Variants in CACNA2D3 observed in about 807,000 individuals in gnomAD.
The protein encoded by CACNA2D3 is voltage-dependent calcium channel subunit alpha-2/delta-3.
CACNA2D3 carries 60 observed loss-of-function variants against 160.6 expected under a neutral mutation model. That is an observed-to-expected ratio of 0.37 (90% CI 0.30 to 0.46). The LOEUF is 0.46. Ranked by LOEUF, CACNA2D3 falls within the 20% of genes least tolerant of loss-of-function variation. The pLI is 1.00. For missense variants in CACNA2D3, 1,205 were observed against 1,365.0 expected (o/e 0.88, Z 1.85); for synonymous variants, 558 against 492.9 (o/e 1.13, Z -1.75).
At chr3:54,397,536 C>G (rs1305554682) in intron 4 of CACNA2D3, among the ~76,000 whole-genome samples, 1 of 143,416 alleles carries the variant, frequency 7.0e-6, no homozygotes, top group Admixed American at 7.0e-5. Context: ...TCGTTGGTTT[C>G]AAAGAACATT....
chr3:54,147,528 T>A (rs56998303), intron 2 of CACNA2D3, among the ~76,000 whole-genome samples: 2,414 of 152,320 alleles, frequency 0.016, 58 homozygotes, highest in African/African-American at 0.056. Context: ...GTAGAAACAA[T>A]GACAGACTTT....
At chr3:54,262,714 G>A (rs1054101020) in intron 2 of CACNA2D3, among the ~76,000 whole-genome samples, 3 of 152,152 alleles carry the variant, frequency 2.0e-5, no homozygotes, top group Non-Finnish European at 4.4e-5. Flanking sequence ...AAGGCAGATG[G>A]TTCCTGGCCA....
chr3:54,924,433 C>G (rs1700950368), intron 27 of CACNA2D3, among the ~76,000 whole-genome samples: 1 of 152,110 alleles, frequency 6.6e-6, no homozygotes, highest in Non-Finnish European at 1.5e-5. Flanking sequence ...AATTTCGAAC[C>G]TGAATTTAAA....
At chr3:54,922,580 C>T (rs994347516) in intron 27 of CACNA2D3, among the ~76,000 whole-genome samples, 4 of 152,026 alleles carry the variant, frequency 2.6e-5, no homozygotes, top group East Asian at 3.9e-4. Context: ...TATTCAATAT[C>T]GTACGTTTTA....
chr3:54,344,301 C>A (rs1362366141), intron 3 of CACNA2D3, among the ~76,000 whole-genome samples: 1 of 152,110 alleles, frequency 6.6e-6, no homozygotes, highest in Non-Finnish European at 1.5e-5. Context: ...ATTATGAGTT[C>A]TTTGAAGGCA....
intron 2 of CACNA2D3, among the ~76,000 whole-genome samples, chr3:54,197,218 G>A (rs138747830): frequency 1.3e-3 from 194 of 152,198 alleles, no homozygotes; most frequent in African/African-American, 4.4e-3. Flanking sequence ...AGTTGTCGCT[G>A]TCTCCTTCCA....
intron 4 of CACNA2D3, among the ~76,000 whole-genome samples, chr3:54,407,144 G>A (rs926452310): frequency 1.3e-5 from 2 of 152,096 alleles, no homozygotes; most frequent in African/African-American, 4.8e-5. Context: ...TTCTTACCAA[G>A]CTCCAATCTG....
chr3:54,871,474 A>T, intron 17 of CACNA2D3, 65 bp from the exon 18 acceptor site: 2 of 1,256,236 alleles, frequency 1.6e-6, no homozygotes. Flanking sequence ...GAAGGTAAAG[A>T]TTGCCCTGGC....
intron 4 of CACNA2D3, among the ~76,000 whole-genome samples, chr3:54,491,770 G>T (rs1322873869): frequency 6.6e-6 from 1 of 152,196 alleles, no homozygotes; most frequent in Non-Finnish European, 1.5e-5. Flanking sequence ...CACAGAGACT[G>T]TCTGGCCTGC....
chr3:54,177,177 C>T (rs1205337870), intron 2 of CACNA2D3, among the ~76,000 whole-genome samples: 1 of 152,176 alleles, frequency 6.6e-6, no homozygotes, highest in Non-Finnish European at 1.5e-5. Context: ...CTACAAATTC[C>T]ACTTCTCCCA....
intron 4 of CACNA2D3, among the ~76,000 whole-genome samples, chr3:54,466,596 C>G (rs890180707): frequency 6.6e-6 from 1 of 151,852 alleles, no homozygotes; most frequent in Non-Finnish European, 1.5e-5. Context: ...TTTCAGGGGC[C>G]TGGGCAACAA....
At chr3:54,481,168 G>T (rs1416935346) in intron 4 of CACNA2D3, among the ~76,000 whole-genome samples, 1 of 152,128 alleles carries the variant, frequency 6.6e-6, no homozygotes, top group African/African-American at 2.4e-5. Flanking sequence ...GTGGCCTCTG[G>T]CTAGGCTGCC....
intron 5 of CACNA2D3, among the ~76,000 whole-genome samples, chr3:54,519,104 C>CATGCCACCTGCACACGGAAGTCATGGTGG (rs1244687443): frequency 6.6e-6 from 1 of 152,232 alleles, no homozygotes; most frequent in South Asian, 2.1e-4. Flanking sequence ...TGCCAACTGT[C>CATGCCACCTGCACACGGAAGTCATGGTGG]CTCAGTTGAC....
chr3:54,783,610 A>G (rs1702575120), intron 13 of CACNA2D3, among the ~76,000 whole-genome samples: 1 of 151,546 alleles, frequency 6.6e-6, no homozygotes, highest in Non-Finnish European at 1.5e-5. Flanking sequence ...CATCTCAAAT[A>G]AATAAATAAA....
chr3:54,973,235 A>G (rs1053913550), intron 29 of CACNA2D3, among the ~76,000 whole-genome samples: 1 of 152,170 alleles, frequency 6.6e-6, no homozygotes, highest in Non-Finnish European at 1.5e-5. Context: ...CATTCAGGAC[A>G]GAAGGGAGGA....
chr3:54,539,890 T>C (rs1387196793), intron 5 of CACNA2D3, among the ~76,000 whole-genome samples: 1 of 152,160 alleles, frequency 6.6e-6, no homozygotes, highest in South Asian at 2.1e-4. Flanking sequence ...GCAAAGCTGC[T>C]GACGAGCAGG....
chr3:54,911,674 C>G (rs1166077157), intron 27 of CACNA2D3, among the ~76,000 whole-genome samples: 1 of 152,126 alleles, frequency 6.6e-6, no homozygotes, highest in Non-Finnish European at 1.5e-5. Flanking sequence ...GTCATAGAAG[C>G]AGCAGCTTCT....
intron 3 of CACNA2D3, among the ~76,000 whole-genome samples, chr3:54,357,239 G>A (rs547125432): frequency 6.6e-6 from 1 of 152,286 alleles, no homozygotes; most frequent in Admixed American, 6.5e-5. Flanking sequence ...AATGAGGCAT[G>A]GTCAGCGGGT....
intron 9 of CACNA2D3, among the ~76,000 whole-genome samples, chr3:54,614,757 G>A (rs1698814326): frequency 6.6e-6 from 1 of 152,138 alleles, no homozygotes; most frequent in Admixed American, 6.6e-5. Context: ...TGTGATAGCA[G>A]GAAGCTATCA....
Sources: allele counts gnomAD v4.1 joint callset (sites outside exome capture counted in the v4.1 genomes callset), GRCh38; gene constraint gnomAD v4.1.1; transcripts MANE v1.5; gene names NCBI Gene and HGNC (gene_info 2026-07-23, HGNC 2026-07-21).